ZC3H12B: variants seen among roughly 807,000 people sequenced by gnomAD.
ZC3H12B encodes the protein probable ribonuclease ZC3H12B.
In ZC3H12B, 7 loss-of-function variants were observed where a neutral mutation model predicts 43.9. The observed-to-expected ratio is 0.16, with a 90% CI of 0.09 to 0.30. ZC3H12B has a LOEUF of 0.30. Among genes scored for constraint, ZC3H12B ranks in the 10% least tolerant of loss-of-function variants. ZC3H12B has a pLI of 1.00. For synonymous variants in ZC3H12B, 222 were observed against 241.7 expected, an observed-to-expected ratio of 0.92 and a Z score of 0.76; for missense variants, 475 against 670.2, an observed-to-expected ratio of 0.71 and a Z score of 3.22.
At chrX:65,110,931 C>T in the ZC3H12B span, among the ~76,000 whole-genome samples, 5 of 111,420 alleles carry the variant, frequency 4.5e-5, no homozygotes, top group Non-Finnish European at 7.6e-5. Flanking sequence ...TTTCAGCATA[C>T]AGATCCTCTC....
At chrX:65,488,409 G>A (rs1004785222), upstream of ZC3H12B, among the ~76,000 whole-genome samples, 3 of 85,540 alleles carry the variant, frequency 3.5e-5, no homozygotes, top group East Asian at 4.4e-4. Context: ...GTAGGGGGGC[G>A]ACAGGAGCGG....
At chrX:65,260,917 G>T in the ZC3H12B span, among the ~76,000 whole-genome samples, 8 of 111,512 alleles carry the variant, frequency 7.2e-5, no homozygotes. Flanking sequence ...AATAGTATGT[G>T]CCTTGTAGAA....
the ZC3H12B span, among the ~76,000 whole-genome samples, chrX:65,199,453 T>A: frequency 9.0e-6 from 1 of 110,852 alleles, no homozygotes; most frequent in East Asian, 2.8e-4. Flanking sequence ...TTCACTTTTA[T>A]ATTAAGTTCA....
chrX:65,083,332 G>A, the ZC3H12B span, among the ~76,000 whole-genome samples: 1 of 111,731 alleles, frequency 9.0e-6, no homozygotes, highest in Non-Finnish European at 1.9e-5. Context: ...ATCCTTGTTT[G>A]CAGATATGAT....
chrX:65,300,263 T>C, the ZC3H12B span, among the ~76,000 whole-genome samples: 1 of 111,960 alleles, frequency 8.9e-6, no homozygotes, highest in African/African-American at 3.2e-5. Flanking sequence ...CTGGAGGGCT[T>C]GTAGCCTGGG....
At chrX:65,282,339 AAATT>A in the ZC3H12B span, among the ~76,000 whole-genome samples, 8 of 111,705 alleles carry the variant, frequency 7.2e-5, no homozygotes, top group South Asian at 3.0e-3. Flanking sequence ...CAACAACAAA[AAATT>A]AAGTGAAATC....
chrX:65,177,104 G>T, the ZC3H12B span, among the ~76,000 whole-genome samples: 1 of 111,855 alleles, frequency 8.9e-6, no homozygotes, highest in Non-Finnish European at 1.9e-5. Flanking sequence ...TTTATTGCTG[G>T]GACACAAGGA....
the ZC3H12B span, among the ~76,000 whole-genome samples, chrX:65,098,742 C>T: frequency 9.0e-6 from 1 of 111,062 alleles, no homozygotes; most frequent in Non-Finnish European, 1.9e-5. Flanking sequence ...ATCCGCAGAC[C>T]AGGAGATTTC....
At chrX:65,054,145 G>A in the ZC3H12B span, among the ~76,000 whole-genome samples, 4 of 111,659 alleles carry the variant, frequency 3.6e-5, no homozygotes, top group Non-Finnish European at 7.6e-5. Flanking sequence ...GGCTTTTGTT[G>A]CCATTGCTTT....
the ZC3H12B span, among the ~76,000 whole-genome samples, chrX:65,152,199 C>G: frequency 1.3e-4 from 14 of 111,621 alleles, no homozygotes; most frequent in Non-Finnish European, 2.1e-4. Context: ...TCTCACCACT[C>G]CTACTCAACA....
At chrX:65,444,795 C>T (rs1256651041) in intron 3 of ZC3H12B, among the ~76,000 whole-genome samples, 1 of 112,082 alleles carries the variant, frequency 8.9e-6, no homozygotes, top group Admixed American at 9.5e-5. Flanking sequence ...ACTTTCTATG[C>T]TGATCTCTCT....
chrX:65,053,214 C>A, the ZC3H12B span, among the ~76,000 whole-genome samples: 1 of 110,480 alleles, frequency 9.1e-6, no homozygotes, highest in Non-Finnish European at 1.9e-5. Context: ...CCCATTAACT[C>A]GCTATTTACA....
At chrX:65,040,774 CTTTTG>C in the ZC3H12B span, among the ~76,000 whole-genome samples, 1 of 111,089 alleles carries the variant, frequency 9.0e-6, no homozygotes, top group African/African-American at 3.3e-5. Flanking sequence ...TTGTTTAGTT[CTTTTG>C]TTTTGTTTTG....
At chrX:65,278,943 C>G in the ZC3H12B span, among the ~76,000 whole-genome samples, 51 of 111,362 alleles carry the variant, frequency 4.6e-4, no homozygotes, top group African/African-American at 1.5e-3. Flanking sequence ...ATAATAGCCT[C>G]CAGCTCCATC....
chrX:65,173,103 G>T, the ZC3H12B span, among the ~76,000 whole-genome samples: 2 of 111,913 alleles, frequency 1.8e-5, no homozygotes, highest in Non-Finnish European at 3.8e-5. Flanking sequence ...TCCTTGAGCA[G>T]AGATTTGTAG....
the ZC3H12B span, among the ~76,000 whole-genome samples, chrX:65,048,648 G>A: frequency 9.0e-6 from 1 of 110,960 alleles, no homozygotes; most frequent in Non-Finnish European, 1.9e-5. Context: ...CACATATATA[G>A]TAAAAATATT....
the ZC3H12B span, among the ~76,000 whole-genome samples, chrX:65,354,383 G>A: frequency 8.0e-5 from 9 of 111,981 alleles, no homozygotes; most frequent in East Asian, 2.2e-3. Context: ...CTTTTAGAAG[G>A]AAAACTAACA....
chrX:65,200,687 C>G, the ZC3H12B span, among the ~76,000 whole-genome samples: 38 of 110,385 alleles, frequency 3.4e-4, no homozygotes, highest in African/African-American at 1.3e-3. Flanking sequence ...CTGCCCACCT[C>G]AGCCTCCCAA....
At chrX:65,186,313 G>A in the ZC3H12B span, 1 of 109,335 alleles carries the variant, frequency 9.1e-6, no homozygotes. Context: ...CCAACATGGT[G>A]AAACCCCATC....
Sources: allele counts gnomAD v4.1 joint callset (sites outside exome capture counted in the v4.1 genomes callset), GRCh38; gene constraint gnomAD v4.1.1; transcripts MANE v1.5; gene names NCBI Gene and HGNC (gene_info 2026-07-23, HGNC 2026-07-21).